UPF2: variants seen among roughly 807,000 people sequenced by gnomAD.
UPF2 encodes the protein UPF2 regulator of nonsense mediated mRNA decay, also known as regulator of nonsense transcripts 2.
In UPF2, 17 loss-of-function variants were observed where a neutral mutation model predicts 141.4. The observed-to-expected ratio is 0.12, with a 90% CI of 0.08 to 0.18. UPF2 has a LOEUF of 0.18. Ranked by LOEUF, UPF2 falls within the 10% of genes least tolerant of loss-of-function variation. The probability of loss-of-function intolerance (pLI) is 1.00; values close to 1 mark genes in which losing one functional copy is unlikely to be tolerated. For synonymous variants in UPF2, 540 were observed against 498.0 expected (o/e 1.08, Z -1.12); for missense variants, 1,152 against 1,515.9 (o/e 0.76, Z 3.99).
At chr10:11,986,251 T>C (rs776213340) in intron 8 of UPF2, among the ~76,000 whole-genome samples, 1 of 152,162 alleles carries the variant, frequency 6.6e-6, no homozygotes, top group Non-Finnish European at 1.5e-5. Context: ...TTACCAACAA[T>C]GAACGATGAA....
chr10:12,004,436 A>G (rs1370909353), intron 5 of UPF2, 94 bp downstream of exon 5: 4 of 966,956 alleles, frequency 4.1e-6, no homozygotes, highest in Non-Finnish European at 5.9e-6. Context: ...TTACAAAACT[A>G]GTAACTACAA....
intron 3 of UPF2, among the ~76,000 whole-genome samples, chr10:12,015,382 T>A (rs1834199919): frequency 6.6e-6 from 1 of 152,218 alleles, no homozygotes; most frequent in African/African-American, 2.4e-5. Flanking sequence ...ACCCTATTTC[T>A]ACTCACATAA....
intron 18 of UPF2, among the ~76,000 whole-genome samples, 159 bp downstream of exon 18, chr10:11,942,503 CAAG>C (rs1832949051): frequency 6.6e-6 from 1 of 152,132 alleles, no homozygotes; most frequent in South Asian, 2.1e-4. Flanking sequence ...ATGTGGGATA[CAAG>C]AAGGACAAGA....
chr10:11,920,198 A>T lies in UPF2; in HGVS notation c.*1100T>A, dbSNP rs1832621510. 6.6e-6 allele frequency: 1 copy of T among 152,238 alleles called. No homozygotes were observed. Among genetic ancestry groups the T allele is most frequent in the Admixed American group, 6.5e-5 (1 of 15,286 alleles). The allele number at this position is 152,238 out of a possible 1,614,324, so 9.4% of individuals were successfully genotyped here. ...AAATGCAAAATAGCTAGAAAAAAAG[A>T]TGTAATCAAGTTGTCGCATACAGAT... On this transcript the variant is annotated 3_prime_UTR_variant, in exon 22 of 22. Transcript: ENST00000357604.
rs1833555303 is a variant in UPF2 at position 11,979,284 on chromosome 10, C to T, written c.1845-119G>A. 1.6e-6 allele frequency: 1 copy of T among 614,626 alleles called. No individual in the cohort carries two copies. The highest frequency in any genetic ancestry group is 2.7e-6 in the Non-Finnish European group (1 of 366,952). The allele number at this position is 614,626 out of a possible 1,614,324, so 38.1% of individuals were successfully genotyped here. A position where few individuals can be genotyped will look rare whatever the true frequency, so the allele number is the denominator to read the frequency against. On this transcript the variant is annotated intron_variant, in intron 8 of 21. Transcript: ENST00000357604. This position sits in a 1 kb window ranked among gnomAD's most constrained non-coding sequence, Gnocchi z 6.2. ...AATGATCTTAAAACTCATAATCATA[C>T]AGACATGCCTATTTATTGCCATCAT...
Position 11,959,042 on chromosome 10 carries a change from G to T in UPF2, c.2370+129C>A. 1 of 722,384 alleles carries T rather than the reference G, an allele frequency of 1.4e-6. No homozygotes were observed. Among genetic ancestry groups the T allele is most frequent in the Non-Finnish European group, 2.0e-6 (1 of 502,306 alleles). The allele number at this position is 722,384 out of a possible 1,614,324, so 44.7% of individuals were successfully genotyped here. ...ATATCATCATAAGAATTCCTTCTTA[G>T]GGTGACTTACACAGAGCTGATTATA... is the stretch of plus-strand genomic sequence containing the variant. On this transcript the variant is annotated intron_variant, in intron 12 of 21. Transcript: ENST00000357604. The surrounding 1 kb of genome is among the most constrained non-coding windows in gnomAD (Gnocchi z 5.9).
At chr10:11,985,621 C>CAAA (rs1254604523) in intron 8 of UPF2, among the ~76,000 whole-genome samples, 2 of 82,830 alleles carry the variant, frequency 2.4e-5, no homozygotes, top group Non-Finnish European at 5.1e-5. Context: ...AGTCCGTCTC[C>CAAA]AAAAAAAAAA....
At position 12,029,255 on chromosome 10, in the gene UPF2, G is replaced by A; in HGVS notation, c.635C>T (p.Ala212Val). The A allele has an allele frequency of 6.2e-7, 1 of 1,614,116 alleles. No homozygotes were observed. The highest frequency in any genetic ancestry group is 8.5e-7 in the Non-Finnish European group (1 of 1,180,002). ...IAEAVASIVE[A>V]KLKISDVNCA... Reference sequence around the variant, plus strand: ...GTTCACATCAGAGATTTTTAGTTTTGCTTCCACGATGGAAGCTACAGCTTC... The same window carrying A: ...GTTCACATCAGAGATTTTTAGTTTTACTTCCACGATGGAAGCTACAGCTTC... Residue 212 changes from alanine (A) to valine (V), a missense_variant, in exon 3 of 22, where the codon GCA becomes GTA. Ala to Val is a moderately conservative substitution (Grantham distance 64, BLOSUM62 0). This residue lies in a region of UPF2 where 739 missense variants were observed against 1,032.2 expected (regional missense o/e 0.72). Coordinates refer to ENST00000357604, the MANE Select transcript of UPF2 (RefSeq NM_015542.4).
chr10:11,936,470 G>T lies in UPF2; in HGVS notation c.3546+75C>A. ...AAAACTGTCCAACCCTTATCCCCTT[G>T]TAGGTCAAAGATAAGTTAAAACCTA... On this transcript the variant is annotated intron_variant, in intron 19 of 21. Transcript: ENST00000357604. This position sits in a 1 kb window ranked among gnomAD's most constrained non-coding sequence, Gnocchi z 6.6. 1.4e-6 allele frequency: 2 copies of T among 1,442,382 alleles called. No individual in the cohort carries two copies. The highest frequency in any genetic ancestry group is 1.5e-5 in the South Asian group (1 of 65,212). 89.3% of individuals were successfully genotyped at this position (1,442,382 alleles called of 1,614,324 possible).
At chr10:11,999,310 G>A (rs994814468) in intron 7 of UPF2, among the ~76,000 whole-genome samples, 2 of 151,858 alleles carry the variant, frequency 1.3e-5, no homozygotes, top group African/African-American at 2.4e-5. Flanking sequence ...TCAGGAGTTC[G>A]AGACCAGCCC....
chr10:12,026,804 C>A, intron 3 of UPF2: 1 of 379,194 alleles, frequency 2.6e-6, no homozygotes, highest in South Asian at 2.0e-5. Context: ...CGGGGCCTGC[C>A]ACCATGCCCG....
At chr10:12,003,910 A>C (rs566773153) in intron 5 of UPF2, among the ~76,000 whole-genome samples, 9 of 147,180 alleles carry the variant, frequency 6.1e-5, no homozygotes, top group Non-Finnish European at 1.4e-4. Context: ...GGACAAGAGC[A>C]AAAACTCCGC....
rs762914098 is a variant in UPF2 at position 11,929,951 on chromosome 10, T to G, written c.3723A>C (p.Pro1241=). The G allele has an allele frequency of 4.3e-6, 7 of 1,614,226 alleles. No individual in the cohort carries two copies. Among genetic ancestry groups the G allele is most frequent in the Non-Finnish European group, 5.9e-6 (7 of 1,180,046 alleles). Residue 1241 remains proline, a synonymous_variant, in exon 21 of 22, where the codon CCA becomes CCC. Coordinates refer to ENST00000357604, the MANE Select transcript of UPF2 (RefSeq NM_015542.4). ...GCCGCCTCTCACGATTGGTGTTTGC[T>G]GGAGCTGGGCGCTGTGCAAGAGACT... The part of the protein sequence containing the change: ...MLQSLAQRPA[P]ANTNRERRPR...
intron 3 of UPF2, among the ~76,000 whole-genome samples, chr10:12,023,727 A>T (rs756685575): frequency 3.3e-5 from 5 of 151,034 alleles, no homozygotes; most frequent in Non-Finnish European, 7.4e-5. Context: ...ACAGAGGCTC[A>T]TGCCTGTAAT....
At chr10:12,040,217 G>A (rs867755633) in intron 1 of UPF2, among the ~76,000 whole-genome samples, 3 of 151,984 alleles carry the variant, frequency 2.0e-5, no homozygotes, top group East Asian at 1.9e-4. Context: ...TCAAGAGTTC[G>A]AAACCATCCT....
chr10:11,970,945 T>C (rs1228045745), intron 9 of UPF2, among the ~76,000 whole-genome samples: 1 of 152,110 alleles, frequency 6.6e-6, no homozygotes, highest in Non-Finnish European at 1.5e-5. Context: ...ATCCTCTTCA[T>C]CATCTGCTAT....
intron 8 of UPF2, among the ~76,000 whole-genome samples, chr10:11,981,811 A>G (rs1833600308): frequency 6.6e-6 from 1 of 151,950 alleles, no homozygotes; most frequent in Non-Finnish European, 1.5e-5. Context: ...TCAGCCTCCC[A>G]AGTAGCTGGG....
intron 21 of UPF2, among the ~76,000 whole-genome samples, chr10:11,922,682 T>C (rs1832660674): frequency 1.3e-5 from 2 of 152,232 alleles, no homozygotes; most frequent in South Asian, 4.1e-4. Context: ...AAACTGTTTA[T>C]TAATACAATA....
At chr10:11,982,869 C>G (rs1472669672) in intron 8 of UPF2, among the ~76,000 whole-genome samples, 1 of 152,200 alleles carries the variant, frequency 6.6e-6, no homozygotes, top group Non-Finnish European at 1.5e-5. Flanking sequence ...ATCCACCCCC[C>G]TCAGCCTCCT....
Sources: gnomAD v4.1 joint callset for allele counts (sites outside exome capture counted in the v4.1 genomes callset) on GRCh38, gnomAD v4.1.1 for gene constraint, gnomAD v4.1.1 regional missense constraint, Gnocchi (gnomAD v3.1) non-coding constraint, MANE v1.5 for transcripts, NCBI Gene and HGNC (gene_info 2026-07-23, HGNC 2026-07-21) for gene names.